The following ANO10 variants were observed in gnomAD, a reference collection of about 807,000 sequenced individuals.
The protein encoded by ANO10 is anoctamin 10.
ANO10 carries 77 observed loss-of-function variants against 74.7 expected under a neutral mutation model. That is an observed-to-expected ratio of 1.03 (90% CI 0.86 to 1.25). ANO10 has a LOEUF of 1.25. ANO10 is among the 50% of genes most tolerant of loss of function. The probability of loss-of-function intolerance (pLI) is 0.00; values close to 1 mark genes in which losing one functional copy is unlikely to be tolerated. For synonymous variants in ANO10, 279 were observed against 284.9 expected, an observed-to-expected ratio of 0.98 and a Z score of 0.21; for missense variants, 721 against 778.1, an observed-to-expected ratio of 0.93 and a Z score of 0.87.
intron 1 of ANO10, among the ~76,000 whole-genome samples, chr3:43,682,959 T>C (rs1445144647): frequency 9.2e-5 from 14 of 152,098 alleles, no homozygotes; most frequent in East Asian, 3.9e-4. Context: ...CTATGACAAA[T>C]CCACAGCCAA....
intron 1 of ANO10, among the ~76,000 whole-genome samples, chr3:43,629,781 C>G (rs1242422992): frequency 6.6e-6 from 1 of 152,138 alleles, no homozygotes; most frequent in African/African-American, 2.4e-5. Context: ...AATTCAGGAG[C>G]CCTGCGATGG....
intron 11 of ANO10, among the ~76,000 whole-genome samples, chr3:43,489,285 C>T (rs2076626086): frequency 6.6e-6 from 1 of 151,310 alleles, no homozygotes; most frequent in South Asian, 2.1e-4. Flanking sequence ...CTAACCTGCA[C>T]AATGTGCACA....
intron 11 of ANO10, among the ~76,000 whole-genome samples, chr3:43,509,600 A>G (rs546869545): frequency 2.6e-4 from 39 of 152,332 alleles, no homozygotes; most frequent in African/African-American, 8.9e-4. Context: ...TGCTGGTGGG[A>G]ATATAAAATG....
At chr3:43,576,548 G>A (rs1349916528) in intron 6 of ANO10, 144 bp downstream of exon 6, 6 of 753,942 alleles carry the variant, frequency 8.0e-6, no homozygotes, top group Non-Finnish European at 1.3e-5. Context: ...TGTTCACAAA[G>A]CTGATAAATT....
intron 12 of ANO10, among the ~76,000 whole-genome samples, chr3:43,390,839 T>C (rs1000605300): frequency 6.6e-6 from 1 of 152,222 alleles, no homozygotes; most frequent in Non-Finnish European, 1.5e-5. Context: ...CGCAGTGTGT[T>C]CCTAACCTTG....
chr3:43,484,958 C>A (rs1362345255), intron 11 of ANO10: 1 of 1,200,558 alleles, frequency 8.3e-7, no homozygotes. Flanking sequence ...CCCACCCAGG[C>A]AAGGGCCCTG....
chr3:43,663,592 T>G (rs114302694), intron 1 of ANO10, among the ~76,000 whole-genome samples: 7,675 of 152,184 alleles, frequency 0.05, 288 homozygotes, highest in South Asian at 0.12. Flanking sequence ...AAGAGTGGAA[T>G]TCAAATTGTC....
chr3:43,531,272 A>G lies in ANO10; in HGVS notation c.1797+18448T>C, dbSNP rs1341888972. Among the ~76,000 whole-genome samples the G allele has an allele frequency of 2.0e-5, 3 of 152,220 alleles. No homozygotes were observed. In the South Asian group the frequency reaches 6.2e-4, roughly 32 times the overall value. ...TTTACTTTGGAGAAATGTTTTTAAC[A>G]ATCTTTAAATTACACGTTCTGGCTT... On this transcript the variant is annotated intron_variant, in intron 11 of 12. Coordinates refer to ENST00000292246, the MANE Select transcript of ANO10 (RefSeq NM_018075.5).
At chr3:43,547,025 G>GA (rs1408367072) in intron 11 of ANO10, among the ~76,000 whole-genome samples, 2 of 151,804 alleles carry the variant, frequency 1.3e-5, no homozygotes, top group Admixed American at 1.3e-4. Flanking sequence ...AAGATACAGG[G>GA]AAAAAAATCT....
chr3:43,392,519 A>G (rs1298573156), intron 12 of ANO10, among the ~76,000 whole-genome samples: 1 of 152,230 alleles, frequency 6.6e-6, no homozygotes, highest in Non-Finnish European at 1.5e-5. Context: ...TTGTATGGAC[A>G]AGAGAATTCA....
chr3:43,600,219 A>G (rs980233310), intron 3 of ANO10, among the ~76,000 whole-genome samples, 165 bp downstream of exon 3: 1 of 152,186 alleles, frequency 6.6e-6, no homozygotes, highest in African/African-American at 2.4e-5. Flanking sequence ...TTTGCTTCAC[A>G]ATGGCAGTGT....
intron 11 of ANO10, among the ~76,000 whole-genome samples, chr3:43,508,736 T>C (rs2077391904): frequency 2.0e-5 from 3 of 150,734 alleles, no homozygotes; most frequent in Admixed American, 6.6e-5. Flanking sequence ...TACGTGGGAA[T>C]TGAACAATGA....
intron 1 of ANO10, among the ~76,000 whole-genome samples, chr3:43,650,495 T>C (rs1444373857): frequency 6.6e-6 from 1 of 152,134 alleles, no homozygotes; most frequent in Non-Finnish European, 1.5e-5. Flanking sequence ...AGAAATAACA[T>C]GCAGTAACCT....
At chr3:43,508,310 A>AT in intron 11 of ANO10, among the ~76,000 whole-genome samples, 1 of 152,308 alleles carries the variant, frequency 6.6e-6, no homozygotes, top group Middle Eastern at 3.4e-3. Flanking sequence ...ATACAGAAAT[A>AT]TTTTTTAAAA....
intron 1 of ANO10, among the ~76,000 whole-genome samples, chr3:43,613,604 T>C (rs2082940243): frequency 6.6e-6 from 1 of 152,162 alleles, no homozygotes; most frequent in African/African-American, 2.4e-5. Context: ...AGTAAGTAAA[T>C]CTATTGGGCG....
In ANO10 at chr3:43,477,710, C is replaced by T. The variant is rs567627110; in HGVS notation, c.1798-44983G>A. 1.1e-3 allele frequency among the ~76,000 whole-genome samples: 167 copies of T among 152,272 alleles called. 1 individual carries two copies. The highest frequency in any genetic ancestry group is 3.9e-3 in the African/African-American group (160 of 41,558). ...TTCTAACATCCCCTATACTGTCAGT[C>T]GACCTTGGGTGTGTTCACACACAAT... On this transcript the variant is annotated intron_variant, in intron 11 of 12. Coordinates refer to ENST00000292246, the MANE Select transcript of ANO10 (RefSeq NM_018075.5).
At chr3:43,374,290 G>A (rs2091722770) in intron 12 of ANO10, among the ~76,000 whole-genome samples, 1 of 152,210 alleles carries the variant, frequency 6.6e-6, no homozygotes, top group Non-Finnish European at 1.5e-5. Context: ...TTACCTGTGT[G>A]TAATTTAAAT....
At chr3:43,435,439 G>A (rs2093052025) in intron 11 of ANO10, among the ~76,000 whole-genome samples, 2 of 151,512 alleles carry the variant, frequency 1.3e-5, no homozygotes, top group South Asian at 4.2e-4. Flanking sequence ...CACTTGGAAG[G>A]CGGAGGTTTC....
chr3:43,486,328 T>A (rs2076488397), intron 11 of ANO10, among the ~76,000 whole-genome samples: 1 of 152,184 alleles, frequency 6.6e-6, no homozygotes, highest in African/African-American at 2.4e-5. Context: ...AAGTAGTTTT[T>A]TCCAATTCTG....
Sources: allele counts gnomAD v4.1 joint callset (sites outside exome capture counted in the v4.1 genomes callset), GRCh38; gene constraint gnomAD v4.1.1; transcripts MANE v1.5; gene names NCBI Gene and HGNC (gene_info 2026-07-23, HGNC 2026-07-21).